SKOR2: variants seen among roughly 807,000 people sequenced by gnomAD.
SKOR2 encodes the protein LBX1 corepressor 1-like protein.
SKOR2 carries 47 observed loss-of-function variants against 69.1 expected under a neutral mutation model. The ratio of observed to expected loss-of-function variants is 0.68; its 90% CI spans 0.54 to 0.87. The LOEUF (loss-of-function observed/expected upper bound fraction) is 0.87. SKOR2 is among the 40% of genes least tolerant of loss of function. The pLI, the probability that SKOR2 is intolerant of heterozygous loss-of-function variation, is 0.00. For missense variants in SKOR2, 1,404 were observed against 1,472.2 expected, an observed-to-expected ratio of 0.95 and a Z score of 0.76; for synonymous variants, 717 against 672.6, an observed-to-expected ratio of 1.07 and a Z score of -1.02.
chr18:47,237,277 C>T (rs1018210383), intron 4 of SKOR2, among the ~76,000 whole-genome samples: 19 of 152,340 alleles, frequency 1.2e-4, no homozygotes, highest in Admixed American at 3.9e-4. Context: ...GTTTTGTTCT[C>T]ATCTGACATT....
chr18:47,240,358 A>G (rs1179860413), intron 4 of SKOR2, among the ~76,000 whole-genome samples: 2 of 152,230 alleles, frequency 1.3e-5, no homozygotes, highest in Non-Finnish European at 2.9e-5. Context: ...ATGGAAATGC[A>G]AAACCTTACT....
intron 2 of SKOR2, 49 bp downstream of exon 2, chr18:47,246,522 C>T (rs2064273938): frequency 2.7e-6 from 4 of 1,456,300 alleles, no homozygotes; most frequent in Non-Finnish European, 3.6e-6. Context: ...CCTAAAGGTG[C>T]ATTTAAATAA....
At chr18:47,237,928 T>G (rs2064231833) in intron 4 of SKOR2, among the ~76,000 whole-genome samples, 1 of 152,174 alleles carries the variant, frequency 6.6e-6, no homozygotes, top group Non-Finnish European at 1.5e-5. Context: ...TCCTCCTGTT[T>G]CATTCTTCCA....
At chr18:47,212,250 T>G (rs939457938) in intron 7 of SKOR2, 99 bp from the exon 8 acceptor site, 4 of 1,094,344 alleles carry the variant, frequency 3.7e-6, no homozygotes, top group Non-Finnish European at 4.6e-6. Flanking sequence ...TGAATGCCAA[T>G]AGATCCTCCC....
At chr18:47,242,983 A>G (rs776992425) in intron 4 of SKOR2, among the ~76,000 whole-genome samples, 1 of 152,194 alleles carries the variant, frequency 6.6e-6, no homozygotes, top group Non-Finnish European at 1.5e-5. Flanking sequence ...ATTTTATTCA[A>G]CTTTAGGCTT....
chr18:47,248,608 G>T lies in SKOR2; in HGVS notation c.576C>A (p.Arg192=). Residue 192 remains arginine (R), a synonymous_variant, in exon 2 of 9, where the codon CGC becomes CGA. Transcript: ENST00000425639. The surrounding 1 kb of genome is among the most constrained non-coding windows in gnomAD (Gnocchi z 6.4). ...SPNKFIFHSH[R]TPDAKYTQPD... The stretch of plus-strand genomic sequence containing the variant: ...GCTGAGTGTACTTGGCGTCGGGCGT[G>T]CGGTGGGAGTGGAAAATGAACTTGT... The T allele has an allele frequency of 1.3e-6, 2 of 1,545,002 alleles. No homozygotes were observed. The highest frequency in any genetic ancestry group is 1.7e-6 in the Non-Finnish European group (2 of 1,150,518).
rs1400855797 is a variant in SKOR2 at position 47,218,441 on chromosome 18, T to C, written c.2985+1502A>G. Among the ~76,000 whole-genome samples, 4 of 151,580 alleles carry C rather than the reference T, an allele frequency of 2.6e-5. No homozygotes were observed. The South Asian group carries it at 6.3e-4, about 24-fold the overall frequency. ...CCTGTCTCAACAAAAAATTAAAAAA[T>C]TAATCGGGTGTGGTGGTGCACACCT... On this transcript the variant is annotated intron_variant, in intron 7 of 8. Coordinates refer to ENST00000425639, the MANE Select transcript of SKOR2 (RefSeq NM_001278063.4).
rs1351672956 is a variant in SKOR2, at chr18:47,247,879, C to T, written c.1305G>A (p.Gly435=). Residue 435 remains glycine, a synonymous_variant, in exon 2 of 9, where the codon GGG becomes GGA. Coordinates refer to ENST00000425639, the MANE Select transcript of SKOR2 (RefSeq NM_001278063.4). The surrounding 1 kb of genome is among the most constrained non-coding windows in gnomAD (Gnocchi z 6.6). ...CGCCCGCGCCGCCTGCGCCCGCGCC[C>T]CCCAGGGCCTCAGCGGCGGCACCCG... ...EDAGAAAEAL[G]GAGAGGAGAA... The T allele has an allele frequency of 5.1e-6, 7 of 1,363,116 alleles. No individual in the cohort carries two copies. The highest frequency in any genetic ancestry group is 6.6e-6 in the Non-Finnish European group (7 of 1,066,822). 84.4% of individuals were successfully genotyped at this position (1,363,116 alleles called of 1,614,324 possible).
At chr18:47,245,232 C>T (rs143997513) in intron 3 of SKOR2, among the ~76,000 whole-genome samples, 1 of 152,210 alleles carries the variant, frequency 6.6e-6, no homozygotes, top group East Asian at 1.9e-4. Flanking sequence ...AGAGGGCAGA[C>T]ATCATTCAAA....
At chr18:47,218,409 GA>G (rs2064150752) in intron 7 of SKOR2, among the ~76,000 whole-genome samples, 2 of 151,776 alleles carry the variant, frequency 1.3e-5, no homozygotes, top group Non-Finnish European at 2.9e-5. Context: ...GGGCAACACA[GA>G]AAGACCCTGT....
At chr18:47,219,818 A>G (rs2064155513) in intron 7 of SKOR2, 125 bp downstream of exon 7, 1 of 768,236 alleles carries the variant, frequency 1.3e-6, no homozygotes, top group African/African-American at 1.8e-5. Flanking sequence ...TTAGCATCTA[A>G]GCCAGCTGAG....
Position 47,230,468 on chromosome 18 carries a change from G to A in SKOR2, c.2908C>T (p.Pro970Ser). ...AAAAGTGATTTCTTACTGAATACTG[G>A]GAAAGATGTGTTTCCTTTTAACACC... ...FQVLKGNTSF[P>S]VFNNFQDQMK... Residue 970 changes from proline to serine, a missense_variant, in exon 6 of 9, where the codon CCA (proline) becomes TCA (serine). This residue lies in a region of SKOR2 where 1,266 missense variants were observed against 1,309.9 expected (regional missense o/e 0.97). Coordinates refer to ENST00000425639, the MANE Select transcript of SKOR2 (RefSeq NM_001278063.4). 7.0e-7 allele frequency: 1 copy of A among 1,425,214 alleles called. No homozygotes were observed. The highest frequency in any genetic ancestry group is 9.1e-7 in the Non-Finnish European group (1 of 1,095,470). The allele number at this position is 1,425,214 out of a possible 1,614,324, so 88.3% of individuals were successfully genotyped here.
At chr18:47,231,571 C>T (rs994618112) in intron 4 of SKOR2, among the ~76,000 whole-genome samples, 2 of 151,962 alleles carry the variant, frequency 1.3e-5, no homozygotes, top group East Asian at 1.9e-4. Flanking sequence ...GGGCCGGGCG[C>T]GGTGGCTCAC....
At chr18:47,245,632 A>C in intron 2 of SKOR2, 71 bp from the exon 3 acceptor site, 1 of 1,379,952 alleles carries the variant, frequency 7.2e-7, no homozygotes, top group Non-Finnish European at 9.6e-7. Flanking sequence ...AACAGTCAGC[A>C]GGAAGAAGCA....
intron 4 of SKOR2, among the ~76,000 whole-genome samples, chr18:47,239,417 GA>G (rs543977489): frequency 6.7e-5 from 10 of 150,336 alleles, no homozygotes; most frequent in South Asian, 6.3e-4. Context: ...CTCCATTAGT[GA>G]AAAAAAAAGG....
rs10670977 is a variant in SKOR2, at chr18:47,245,478, A to ATTTTTTTTTTTTTTTTTTTTTTTTTTTT, written c.2677+19_2677+20insAAAAAAAAAAAAAAAAAAAAAAAAAAAA. ...ATGCAGGCAAGAAAAGTGGCAGCTG[A>ATTTTTTTTTTTTTTTTTTTTTTTTTTTT]TTTTTTTTTTTTTTTTTACCTGAAA... On this transcript the variant is annotated intron_variant, in intron 3 of 8. Coordinates refer to ENST00000425639, the MANE Select transcript of SKOR2 (RefSeq NM_001278063.4). 3.9e-5 allele frequency: 47 copies of ATTTTTTTTTTTTTTTTTTTTTTTTTTTT among 1,198,298 alleles called. 1 individual carries two copies. The highest frequency in any genetic ancestry group is 3.9e-4 in the African/African-American group (17 of 43,986). 74.2% of individuals were successfully genotyped at this position (1,198,298 alleles called of 1,614,324 possible). A position where few individuals can be genotyped will look rare whatever the true frequency, so the allele number is the denominator to read the frequency against.
At chr18:47,212,782 G>A (rs993596449) in intron 7 of SKOR2, among the ~76,000 whole-genome samples, 2 of 152,072 alleles carry the variant, frequency 1.3e-5, no homozygotes, top group Non-Finnish European at 2.9e-5. Flanking sequence ...AGACCAGCTT[G>A]GGCAACATAG....
rs969354286 is a variant in SKOR2, at chr18:47,231,006, A to T, written c.2753-6T>A. The T allele has an allele frequency of 2.3e-5, 36 of 1,535,678 alleles. No homozygotes were observed. Among genetic ancestry groups the T allele is most frequent in the Admixed American group, 3.9e-5 (2 of 50,952 alleles). ...GGTTTCTTGTGTATGTTCACCTTTT[A>T]AAAAAGCAGGAAAAATACTATTAGT... On this transcript the variant is annotated splice_polypyrimidine_tract_variant and splice_region_variant and intron_variant, in intron 4 of 8. Coordinates refer to ENST00000425639, the MANE Select transcript of SKOR2 (RefSeq NM_001278063.4).
rs532317853 is a variant in SKOR2 at position 47,224,639 on chromosome 18, G to C, written c.2918-4629C>G. Among the ~76,000 whole-genome samples the C allele has an allele frequency of 6.0e-5, 9 of 149,672 alleles. No homozygotes were observed. The South Asian group carries it at 8.4e-4, about 14-fold the overall frequency. On this transcript the variant is annotated intron_variant, in intron 6 of 8. Coordinates refer to ENST00000425639, the MANE Select transcript of SKOR2 (RefSeq NM_001278063.4). ...ATTGAACTTTTTTTTTTTTGAGACA[G>C]GGTCTTGCTCTGTCACCCAGGCTTG...
Sources: gnomAD v4.1 joint callset for allele counts (sites outside exome capture counted in the v4.1 genomes callset) on GRCh38, gnomAD v4.1.1 for gene constraint, gnomAD v4.1.1 regional missense constraint, Gnocchi (gnomAD v3.1) non-coding constraint, MANE v1.5 for transcripts, NCBI Gene and HGNC (gene_info 2026-07-23, HGNC 2026-07-21) for gene names.